Variants in DENND4C observed in about 807,000 individuals in gnomAD.
DENND4C encodes DENN domain containing 4C.
In DENND4C, 108 loss-of-function variants were observed where a neutral mutation model predicts 203.0. That is an observed-to-expected ratio of 0.53 (90% CI 0.46 to 0.62). The LOEUF (loss-of-function observed/expected upper bound fraction) is 0.62. DENND4C is among the 20% of genes least tolerant of loss of function. The pLI, the probability that DENND4C is intolerant of heterozygous loss-of-function variation, is 0.00. For synonymous variants in DENND4C, 871 were observed against 792.4 expected (o/e 1.10, Z -1.67); for missense variants, 2,481 against 2,301.2 (o/e 1.08, Z -1.60).
At chr9:19,324,859 A>G (rs915595299) in intron 13 of DENND4C, among the ~76,000 whole-genome samples, 1 of 152,154 alleles carries the variant, frequency 6.6e-6, no homozygotes, top group Non-Finnish European at 1.5e-5. Context: ...AGCTGGGACT[A>G]CAGGCATGTG....
At position 19,238,791 on chromosome 9, in the gene DENND4C, T is replaced by A. The variant is rs1415969794; in HGVS notation, c.-18+7958T>A. Among the ~76,000 whole-genome samples, 15 of 148,058 alleles carry A rather than the reference T, an allele frequency of 1.0e-4. No homozygotes were observed. In the Admixed American group the frequency reaches 1.0e-3, roughly 10 times the overall value. On this transcript the variant is annotated intron_variant, in intron 1 of 32. Transcript: ENST00000434457. ...GCCTCAGCCTCCTAAGTAGTCGGGA[T>A]TACAGGCATGTGCCACCACGTCCAT...
intron 22 of DENND4C, among the ~76,000 whole-genome samples, chr9:19,345,081 T>C (rs1822547355): frequency 6.6e-6 from 1 of 152,218 alleles, no homozygotes; most frequent in African/African-American, 2.4e-5. Context: ...GATTTTAGCA[T>C]GTGGATTTTG....
intron 25 of DENND4C, 35 bp from the exon 26 acceptor site, chr9:19,352,455 A>G (rs1824371338): frequency 2.0e-6 from 3 of 1,513,638 alleles, no homozygotes; most frequent in Non-Finnish European, 2.7e-6. Context: ...AATTTTTATT[A>G]AACGTTCTCA....
At position 19,288,572 on chromosome 9, in the gene DENND4C, A is replaced by G. The variant is rs1029085108; in HGVS notation, c.559-24A>G. On this transcript the variant is annotated intron_variant, in intron 3 of 32. Transcript: ENST00000434457. ...TTCTTTTCACTCTTTTGTCTTTTTT[A>G]TAAACCTAATTCATGTTTTACAGTG... 19 of 1,223,868 alleles carry G rather than the reference A, an allele frequency of 1.6e-5. No individual in the cohort carries two copies. The African/African-American group carries it at 2.8e-4, about 18-fold the overall frequency. The allele number at this position is 1,223,868 out of a possible 1,614,324, so 75.8% of individuals were successfully genotyped here.
intron 26 of DENND4C, among the ~76,000 whole-genome samples, chr9:19,353,375 C>T (rs575755311): frequency 6.6e-6 from 1 of 152,246 alleles, no homozygotes; most frequent in African/African-American, 2.4e-5. Flanking sequence ...ACACCTTAAT[C>T]CTAGCACTTT....
intron 4 of DENND4C, among the ~76,000 whole-genome samples, chr9:19,289,028 T>C (rs1835760163): frequency 6.6e-6 from 1 of 152,216 alleles, no homozygotes; most frequent in East Asian, 1.9e-4. Context: ...TCTTTACTTC[T>C]TATATTTCCT....
chr9:19,329,267 T>A (rs762116927), intron 16 of DENND4C, among the ~76,000 whole-genome samples: 9 of 152,174 alleles, frequency 5.9e-5, no homozygotes, highest in Non-Finnish European at 1.0e-4. Flanking sequence ...CTGTTTTCTG[T>A]CTACAAATTT....
chr9:19,263,869 A>C (rs1213107371), intron 1 of DENND4C, among the ~76,000 whole-genome samples: 3 of 152,020 alleles, frequency 2.0e-5, no homozygotes, highest in Non-Finnish European at 4.4e-5. Flanking sequence ...CATGTTGGCC[A>C]GGCTGGTCTC....
intron 10 of DENND4C, among the ~76,000 whole-genome samples, chr9:19,307,499 G>C (rs1839925236): frequency 6.6e-6 from 1 of 151,678 alleles, no homozygotes; most frequent in South Asian, 2.1e-4. Flanking sequence ...GCCGGGCACA[G>C]TGGCTCATGC....
chr9:19,357,004 G>C lies in DENND4C; in HGVS notation c.4814G>C (p.Ser1605Thr), dbSNP rs1290803968. The C allele has an allele frequency of 1.9e-5, 30 of 1,613,816 alleles. No individual in the cohort carries two copies. The highest frequency in any genetic ancestry group is 2.5e-5 in the Non-Finnish European group (29 of 1,179,876). Residue 1605 changes from serine to threonine, a missense_variant, in exon 27 of 33, where the codon AGT becomes ACT. Ser to Thr is a moderately conservative substitution (Grantham distance 58). Coordinates refer to ENST00000434457, the MANE Select transcript of DENND4C (RefSeq NM_001330640.2). ...CTGAAACCAAGTACCTCTGGTGACA[G>C]TTTACAAAGTGGAAGCATTCCATTG... The part of the protein sequence containing the change: ...FFLKPSTSGD[S>T]LQSGSIPLAN...
chr9:19,331,327 C>T (rs976891835), intron 16 of DENND4C, among the ~76,000 whole-genome samples: 3 of 151,862 alleles, frequency 2.0e-5, no homozygotes, highest in Non-Finnish European at 4.4e-5. Context: ...CTCAAACTCC[C>T]GAGTAGCTGG....
At chr9:19,321,687 A>G (rs931060375) in intron 12 of DENND4C, among the ~76,000 whole-genome samples, 9 of 151,940 alleles carry the variant, frequency 5.9e-5, no homozygotes, top group African/African-American at 2.2e-4. Context: ...TCTACTAAAA[A>G]TACAAAAATT....
intron 20 of DENND4C, 62 bp downstream of exon 20, chr9:19,336,894 A>C: frequency 6.8e-7 from 1 of 1,471,740 alleles, no homozygotes; most frequent in Non-Finnish European, 9.2e-7. Context: ...TTCCTTTTTC[A>C]AAAAGCTTCT....
In DENND4C at chr9:19,358,982, T is replaced by A. The variant is rs573068679; in HGVS notation, c.5160+822T>A. ...TTAATGCCTAGATAAAGTAATTCATTAGGAGCTATAAAATGATAATGGTCT... is the reference window on the plus strand; with the variant it reads ...TTAATGCCTAGATAAAGTAATTCATAAGGAGCTATAAAATGATAATGGTCT... On this transcript the variant is annotated intron_variant, in intron 28 of 32. Transcript: ENST00000434457. This position sits in a 1 kb window ranked among gnomAD's most constrained non-coding sequence, Gnocchi z 4.8. 2.6e-5 allele frequency among the ~76,000 whole-genome samples: 4 copies of A among 151,950 alleles called. No individual in the cohort carries two copies. Among genetic ancestry groups the A allele is most frequent in the African/African-American group, 9.7e-5 (4 of 41,232 alleles).
rs1017885909 is a variant in DENND4C at position 19,290,799 on chromosome 9, G to C, written c.724G>C (p.Glu242Gln). ...LFCLPMGATIECWDPETKYPL... is the reference protein window; with the variant it reads ...LFCLPMGATIQCWDPETKYPL... ...CTGCCTTCCTATGGGAGCTACTATTGAGTGCTGGGATCCTGAAACCAAATA... is the reference window on the plus strand; with the variant it reads ...CTGCCTTCCTATGGGAGCTACTATTCAGTGCTGGGATCCTGAAACCAAATA... The change falls in exon 5 of 33, where the codon GAG becomes CAG. Residue 242 changes from glutamate to glutamine, a missense_variant. Physicochemically the swap from Glu to Gln is conservative, Grantham distance 29 (BLOSUM62 2). This residue lies in a region of DENND4C where 2,289 missense variants were observed against 2,113.3 expected (regional missense o/e 1.08). Transcript: ENST00000434457. 6.2e-7 allele frequency: 1 copy of C among 1,612,450 alleles called. No homozygotes were observed. The highest frequency in any genetic ancestry group is 1.3e-5 in the African/African-American group (1 of 75,004).
At chr9:19,322,490 G>A (rs970941927) in intron 12 of DENND4C, among the ~76,000 whole-genome samples, 1 of 151,906 alleles carries the variant, frequency 6.6e-6, no homozygotes, top group Non-Finnish European at 1.5e-5. Context: ...GGCCAGGCGC[G>A]GTGGCTCAGG....
At chr9:19,239,223 A>G (rs1453715482) in intron 1 of DENND4C, among the ~76,000 whole-genome samples, 2 of 152,090 alleles carry the variant, frequency 1.3e-5, no homozygotes, top group Non-Finnish European at 2.9e-5. Context: ...ATTTTCTAAT[A>G]CAGGTGCTTA....
intron 16 of DENND4C, among the ~76,000 whole-genome samples, chr9:19,330,482 G>T (rs529767683): frequency 6.6e-6 from 1 of 151,790 alleles, no homozygotes; most frequent in South Asian, 2.1e-4. Context: ...TGGGATTACA[G>T]GCGCCCACCA....
At chr9:19,256,690 A>T (rs1197966580) in intron 1 of DENND4C, among the ~76,000 whole-genome samples, 6 of 152,068 alleles carry the variant, frequency 3.9e-5, no homozygotes, top group Admixed American at 3.9e-4. Flanking sequence ...TTTTTATTTT[A>T]ATTTGTAGTT....
Sources: gnomAD v4.1 joint callset for allele counts (sites outside exome capture counted in the v4.1 genomes callset) on GRCh38, gnomAD v4.1.1 for gene constraint, gnomAD v4.1.1 regional missense constraint, Gnocchi (gnomAD v3.1) non-coding constraint, MANE v1.5 for transcripts, NCBI Gene and HGNC (gene_info 2026-07-23, HGNC 2026-07-21) for gene names.